The following NCEH1 variants were observed in gnomAD, a reference collection of about 807,000 sequenced individuals.
The protein encoded by NCEH1 is neutral cholesterol ester hydrolase 1, also known as 2-acetyl MAGE hydrolase.
Under a neutral mutation model 25.4 loss-of-function variants are expected in NCEH1, and 9 were observed. The ratio of observed to expected loss-of-function variants is 0.35; its 90% CI spans 0.21 to 0.62. NCEH1 has a LOEUF of 0.62. Among genes scored for constraint, NCEH1 ranks in the 20% least tolerant of loss-of-function variants. The pLI is 0.72. For synonymous variants in NCEH1, 200 were observed against 199.8 expected, an observed-to-expected ratio of 1.00 and a Z score of -0.01; for missense variants, 412 against 501.1, an observed-to-expected ratio of 0.82 and a Z score of 1.70.
At chr3:172,656,455 T>C (rs1717699723) in intron 1 of NCEH1, among the ~76,000 whole-genome samples, 1 of 152,136 alleles carries the variant, frequency 6.6e-6, no homozygotes, top group African/African-American at 2.4e-5. Context: ...GTCAGTTCTG[T>C]CTTTGTCCTA....
At chr3:172,671,911 G>A (rs1342299172) in intron 1 of NCEH1, among the ~76,000 whole-genome samples, 2 of 152,142 alleles carry the variant, frequency 1.3e-5, no homozygotes, top group Non-Finnish European at 2.9e-5. Context: ...ACATTGTAGT[G>A]CAATTACTTA....
chr3:172,707,507 G>A (rs1714069464), intron 1 of NCEH1, among the ~76,000 whole-genome samples: 1 of 152,210 alleles, frequency 6.6e-6, no homozygotes, highest in Non-Finnish European at 1.5e-5. Flanking sequence ...CAACAGCAAT[G>A]CCTTTTATCT....
At chr3:172,653,763 T>TTTTTTTTTTTTTTTTTTTG (rs1717553623) in intron 1 of NCEH1, among the ~76,000 whole-genome samples, 1 of 97,856 alleles carries the variant, frequency 1.0e-5, no homozygotes, top group African/African-American at 4.0e-5. Flanking sequence ...TTTTTTTGTT[T>TTTTTTTTTTTTTTTTTTTG]TTTTTTTTTT....
At chr3:172,681,914 A>T (rs942313628) in intron 1 of NCEH1, among the ~76,000 whole-genome samples, 1 of 151,918 alleles carries the variant, frequency 6.6e-6, no homozygotes, top group Non-Finnish European at 1.5e-5. Context: ...GTCTCAAAAA[A>T]AAAAAAGACT....
intron 2 of NCEH1, among the ~76,000 whole-genome samples, chr3:172,646,290 G>C (rs753469474): frequency 2.0e-5 from 3 of 152,172 alleles, no homozygotes; most frequent in African/African-American, 4.8e-5. Flanking sequence ...AAGAGTTTGA[G>C]GTTACAATGA....
At position 172,639,680 on chromosome 3, in the gene NCEH1, C is replaced by T. The variant is rs113159773; in HGVS notation, c.438-3593G>A. On this transcript the variant is annotated intron_variant, in intron 3 of 4. Transcript: ENST00000475381. The stretch of plus-strand genomic sequence containing the variant: ...TATATATTCCTCAATTTGCCCAACT[C>T]ACTTCAGGGAGAGGATGACTCTGCA... 2.0e-3 allele frequency among the ~76,000 whole-genome samples: 308 copies of T among 152,312 alleles called. 1 individual carries two copies. Among genetic ancestry groups the T allele is most frequent in the Non-Finnish European group, 3.5e-3 (237 of 68,038 alleles).
At chr3:172,666,254 C>G (rs1718203368) in intron 1 of NCEH1, among the ~76,000 whole-genome samples, 1 of 152,296 alleles carries the variant, frequency 6.6e-6, no homozygotes, top group East Asian at 1.9e-4. Flanking sequence ...TGCCACGTGT[C>G]ATGGCTGCCT....
rs1411772207 is a variant in NCEH1 at position 172,642,601 on chromosome 3, T to TAAAAAAAAAAAAAAAAA, written c.437+3021_437+3022insTTTTTTTTTTTTTTTTT. On this transcript the variant is annotated intron_variant, in intron 3 of 4. Transcript: ENST00000475381. ...ACAAGGATTACTATCTTGCTATTTCTACAAAAAAAAAAAAAAAAAAAAAGA... is the reference window on the plus strand; with the variant it reads ...ACAAGGATTACTATCTTGCTATTTCTAAAAAAAAAAAAAAAAAACAAAAAAAAAAAAAAAAAAAAAGA... Among the ~76,000 whole-genome samples the TAAAAAAAAAAAAAAAAA allele has an allele frequency of 7.7e-5, 3 of 39,114 alleles. No homozygotes were observed. In the East Asian group the frequency reaches 1.3e-3, roughly 17 times the overall value. The allele number at this position is 39,114 out of a possible 152,430, so 25.7% of individuals were successfully genotyped here.
intron 1 of NCEH1, among the ~76,000 whole-genome samples, chr3:172,659,383 C>A (rs913918373): frequency 6.6e-6 from 1 of 152,174 alleles, no homozygotes; most frequent in African/African-American, 2.4e-5. Context: ...ATCATCTGTG[C>A]ACAGGACTGC....
At chr3:172,686,034 C>T (rs1334841484) in intron 1 of NCEH1, among the ~76,000 whole-genome samples, 1 of 152,226 alleles carries the variant, frequency 6.6e-6, no homozygotes, top group Non-Finnish European at 1.5e-5. Context: ...CCCAGCAATT[C>T]TCCTCTCAGA....
chr3:172,699,409 G>T (rs1713562182), intron 1 of NCEH1, among the ~76,000 whole-genome samples: 1 of 152,224 alleles, frequency 6.6e-6, no homozygotes, highest in Admixed American at 6.5e-5. Context: ...GGGTGGGGTG[G>T]AGGAGTGGTA....
At chr3:172,636,298 T>C in intron 3 of NCEH1, 1 of 383,682 alleles carries the variant, frequency 2.6e-6, no homozygotes, top group Non-Finnish European at 4.7e-6. Context: ...TGATTTTGTA[T>C]TAGTAATAGT....
chr3:172,690,624 C>A (rs371286941), intron 1 of NCEH1, among the ~76,000 whole-genome samples: 90 of 152,232 alleles, frequency 5.9e-4, no homozygotes, highest in African/African-American at 2.1e-3. Flanking sequence ...TCCACTGTAA[C>A]ATTATTTATG....
At chr3:172,665,645 C>A (rs575222446) in intron 1 of NCEH1, among the ~76,000 whole-genome samples, 1 of 152,316 alleles carries the variant, frequency 6.6e-6, no homozygotes, top group East Asian at 1.9e-4. Flanking sequence ...CCACCCAGTT[C>A]GAGCTTCCTG....
intron 1 of NCEH1, among the ~76,000 whole-genome samples, chr3:172,698,791 T>A (rs1163047101): frequency 2.0e-5 from 3 of 152,126 alleles, no homozygotes; most frequent in Non-Finnish European, 4.4e-5. Flanking sequence ...CAAAACACAG[T>A]TGTGAAGGAC....
At chr3:172,661,865 A>AT (rs533086883) in intron 1 of NCEH1, among the ~76,000 whole-genome samples, 79 of 152,154 alleles carry the variant, frequency 5.2e-4, no homozygotes, top group African/African-American at 1.8e-3. Flanking sequence ...GCTTAAGGAG[A>AT]TTTTGGGCTG....
chr3:172,648,634 T>C (rs1490863393), intron 1 of NCEH1, among the ~76,000 whole-genome samples: 1 of 152,220 alleles, frequency 6.6e-6, no homozygotes, highest in Non-Finnish European at 1.5e-5. Context: ...TATATTTAAT[T>C]GTATCTTTAA....
intron 1 of NCEH1, among the ~76,000 whole-genome samples, chr3:172,707,655 G>C (rs1043461920): frequency 6.6e-6 from 1 of 151,858 alleles, no homozygotes. Context: ...GCCTGATCTC[G>C]GCCCACTGCA....
In NCEH1 at chr3:172,633,817, G is replaced by A; in HGVS notation, c.885C>T (p.Ser295=). 3 of 1,614,234 alleles carry A rather than the reference G, an allele frequency of 1.9e-6. No individual in the cohort carries two copies. The African/African-American group carries it at 4.0e-5, about 22-fold the overall frequency. ...CAACAGGCTTGTAGTTCTTTGTGAAGGATGCAGGCAAGAGGGATGTCCAGT... is the reference window on the plus strand; with the variant it reads ...CAACAGGCTTGTAGTTCTTTGTGAAAGATGCAGGCAAGAGGGATGTCCAGT... The part of the protein sequence containing the change: ...RLNWTSLLPA[S]FTKNYKPVVQ... The change falls in exon 5 of 5, where the codon TCC becomes TCT. Residue 295 remains serine (S), a synonymous_variant. Transcript: ENST00000475381.
Sources: gnomAD v4.1 joint callset for allele counts (sites outside exome capture counted in the v4.1 genomes callset) on GRCh38, gnomAD v4.1.1 for gene constraint, MANE v1.5 for transcripts, NCBI Gene and HGNC (gene_info 2026-07-23, HGNC 2026-07-21) for gene names.